ZNF438: variants seen among roughly 807,000 people sequenced by gnomAD.
ZNF438 encodes the protein zinc finger protein 438.
A neutral mutation model predicts 38.0 loss-of-function variants in ZNF438; 25 were observed. The observed-to-expected ratio is 0.66, with a 90% confidence interval of 0.48 to 0.92. The LOEUF (loss-of-function observed/expected upper bound fraction) is 0.92, where lower values mean the gene tolerates loss of function less well. Among genes scored for constraint, ZNF438 ranks in the 40% least tolerant of loss-of-function variants. The probability of loss-of-function intolerance (pLI) is 0.00; values close to 1 mark genes in which losing one functional copy is unlikely to be tolerated. For missense variants in ZNF438, 1,007 were observed against 999.6 expected, an observed-to-expected ratio of 1.01 and a Z score of -0.10; for synonymous variants, 372 against 364.1, an observed-to-expected ratio of 1.02 and a Z score of -0.25.
intron 4 of ZNF438, among the ~76,000 whole-genome samples, chr10:30,865,865 A>T (rs760014715): frequency 2.6e-5 from 4 of 152,222 alleles, no homozygotes; most frequent in East Asian, 1.9e-4. Flanking sequence ...TCTCTTTAGC[A>T]AGAGGGGATT....
chr10:30,846,407 G>A (rs1402049899), intron 5 of ZNF438, among the ~76,000 whole-genome samples: 1 of 152,210 alleles, frequency 6.6e-6, no homozygotes, highest in Non-Finnish European at 1.5e-5. Context: ...ATGGAGAGGA[G>A]GTGGGCAGTC....
chr10:30,999,284 A>ATT (rs2054405266), intron 1 of ZNF438: 1 of 152,256 alleles, frequency 6.6e-6, no homozygotes, highest in African/African-American at 2.4e-5. Context: ...CCTTGGGAAA[A>ATT]TACATCATTT....
exon 6 of ZNF438, chr10:30,845,455 G>C: frequency 6.2e-7 from 1 of 1,614,126 alleles, no homozygotes; most frequent in Non-Finnish European, 8.5e-7. Flanking sequence ...TCAAGTAAAT[G>C]AAATTTTATT....
intron 1 of ZNF438, among the ~76,000 whole-genome samples, chr10:30,953,696 G>C (rs1409487151): frequency 6.6e-6 from 1 of 150,590 alleles, no homozygotes; most frequent in South Asian, 2.1e-4. Context: ...TGTGGCATTG[G>C]CTTTGGGACC....
intron 4 of ZNF438, among the ~76,000 whole-genome samples, chr10:30,873,670 T>C (rs779640390): frequency 7.2e-5 from 11 of 152,210 alleles, no homozygotes; most frequent in Non-Finnish European, 1.0e-4. Context: ...GACATGCACA[T>C]ATGCTGTTCC....
At chr10:30,977,189 T>A (rs2051461997) in intron 1 of ZNF438, among the ~76,000 whole-genome samples, 1 of 152,206 alleles carries the variant, frequency 6.6e-6, no homozygotes, top group Admixed American at 6.5e-5. Context: ...CATATGTATT[T>A]TAAAAACTAC....
intron 4 of ZNF438, chr10:30,857,798 T>C (rs2133051207): frequency 2.2e-6 from 3 of 1,378,238 alleles, no homozygotes; most frequent in South Asian, 1.9e-5. Flanking sequence ...ATCATTTACA[T>C]GTTAAAGGCA....
At chr10:30,965,289 T>C (rs1186680589) in intron 1 of ZNF438, among the ~76,000 whole-genome samples, 1 of 152,158 alleles carries the variant, frequency 6.6e-6, no homozygotes, top group Non-Finnish European at 1.5e-5. Context: ...AAAAATAATA[T>C]GCTGGTGAGG....
chr10:30,862,345 A>G (rs1394432891), intron 4 of ZNF438, among the ~76,000 whole-genome samples: 2 of 152,148 alleles, frequency 1.3e-5, no homozygotes, highest in African/African-American at 4.8e-5. Flanking sequence ...TCTATCACCC[A>G]GGCTGGAGGG....
Position 30,848,565 on chromosome 10 carries a change from T to A in ZNF438, c.1840A>T (p.Met614Leu), listed in dbSNP as rs772674887. ...GATCCCTCCATGCCTCGCACACTCA[T>A]GTCTCTGTTCTTTGGTATGTCTCCT... is the stretch of plus-strand genomic sequence containing the variant. The change falls in exon 5 of 6, where the codon ATG (methionine) becomes TTG (leucine). Residue 614 changes from methionine to leucine, a missense_variant. Transcript: ENST00000413025. 34 of 1,614,042 alleles carry A rather than the reference T, an allele frequency of 2.1e-5. No homozygotes were observed. Among genetic ancestry groups the A allele is most frequent in the Non-Finnish European group, 1.2e-5 (14 of 1,179,988 alleles).
intron 1 of ZNF438, among the ~76,000 whole-genome samples, chr10:31,008,271 CTTT>C (rs539807839): frequency 6.6e-6 from 1 of 152,052 alleles, no homozygotes; most frequent in Non-Finnish European, 1.5e-5. Context: ...CTCACTTCTT[CTTT>C]TTTAACAGCT....
intron 1 of ZNF438, among the ~76,000 whole-genome samples, chr10:30,997,372 A>G (rs2054161903): frequency 6.6e-6 from 1 of 152,192 alleles, no homozygotes; most frequent in African/African-American, 2.4e-5. Context: ...AAATGAAGGC[A>G]GCATATGCAG....
intron 4 of ZNF438, among the ~76,000 whole-genome samples, chr10:30,859,236 C>T (rs796281736): frequency 6.6e-6 from 1 of 152,146 alleles, no homozygotes; most frequent in South Asian, 2.1e-4. Context: ...CGCACACCAA[C>T]ATGCTGGGCT....
intron 1 of ZNF438, among the ~76,000 whole-genome samples, chr10:31,031,556 G>C (rs1240515195): frequency 1.3e-5 from 2 of 152,180 alleles, no homozygotes; most frequent in Non-Finnish European, 2.9e-5. Flanking sequence ...TGGACTTTCC[G>C]CCCCTTCTAA....
chr10:30,875,250 A>C (rs1244170739), intron 4 of ZNF438: 34 of 985,336 alleles, frequency 3.5e-5, no homozygotes, highest in Non-Finnish European at 4.0e-5. Flanking sequence ...GAAGCAAAGC[A>C]GCCAAGAGGT....
chr10:30,977,565 A>C (rs2051518604), intron 1 of ZNF438, among the ~76,000 whole-genome samples: 1 of 152,212 alleles, frequency 6.6e-6, no homozygotes, highest in Admixed American at 6.5e-5. Context: ...GATCTTACAC[A>C]CATTACCATT....
At chr10:30,996,489 A>T (rs1050785291) in intron 1 of ZNF438, among the ~76,000 whole-genome samples, 25 of 152,144 alleles carry the variant, frequency 1.6e-4, no homozygotes, top group Admixed American at 4.6e-4. Flanking sequence ...AAATAAAGAG[A>T]AACACTTCAT....
intron 1 of ZNF438, among the ~76,000 whole-genome samples, chr10:31,023,105 G>T (rs2056718641): frequency 6.6e-6 from 1 of 152,092 alleles, no homozygotes; most frequent in African/African-American, 2.4e-5. Flanking sequence ...AACATGATTT[G>T]CAAATACTAA....
chr10:30,848,759 C>T (rs749032686), exon 5 of ZNF438: 1 of 1,613,992 alleles, frequency 6.2e-7, no homozygotes. Flanking sequence ...TGTGCTCAGG[C>T]TGCCAGGACG....
Sources: gnomAD v4.1 joint callset for allele counts (sites outside exome capture counted in the v4.1 genomes callset) on GRCh38, gnomAD v4.1.1 for gene constraint, MANE v1.5 for transcripts, NCBI Gene and HGNC (gene_info 2026-07-23, HGNC 2026-07-21) for gene names.